Variants in DST observed in about 807,000 individuals in gnomAD.
DST encodes the protein dystonin.
Under a neutral mutation model 875.2 loss-of-function variants are expected in DST, and 253 were observed. That is an observed-to-expected ratio of 0.29 (90% CI 0.26 to 0.32). The LOEUF is 0.32. DST is among the 10% of genes least tolerant of loss of function. The pLI, the probability that DST is intolerant of heterozygous loss-of-function variation, is 1.00. For missense variants in DST, 8,287 were observed against 9,111.6 expected, an observed-to-expected ratio of 0.91 and a Z score of 3.68; for synonymous variants, 3,124 against 3,197.1, an observed-to-expected ratio of 0.98 and a Z score of 0.77.
intron 4 of DST, among the ~76,000 whole-genome samples, chr6:56,781,652 A>G (rs1204684380): frequency 6.6e-6 from 1 of 152,198 alleles, no homozygotes; most frequent in African/African-American, 2.4e-5. Context: ...TAGATATACA[A>G]TCATGTCGTC....
chr6:56,642,779 T>C, intron 15 of DST: 1 of 1,614,044 alleles, frequency 6.2e-7, no homozygotes, highest in South Asian at 1.1e-5. Context: ...CTATAACTAC[T>C]ACTGTGCATT....
chr6:56,620,170 C>T, intron 36 of DST: 4 of 1,613,596 alleles, frequency 2.5e-6, no homozygotes, highest in Middle Eastern at 1.6e-4. Context: ...TTATCAGCTT[C>T]AAGAGTTCTT....
chr6:56,704,378 A>G lies in DST; in HGVS notation c.688-9T>C. 6.9e-7 allele frequency: 1 copy of G among 1,451,328 alleles called. No individual in the cohort carries two copies. The highest frequency in any genetic ancestry group is 9.4e-7 in the Non-Finnish European group (1 of 1,066,724). The allele number at this position is 1,451,328 out of a possible 1,614,324, so 89.9% of individuals were successfully genotyped here. A position where few individuals can be genotyped will look rare whatever the true frequency, so the allele number is the denominator to read the frequency against. On this transcript the variant is annotated splice_polypyrimidine_tract_variant and intron_variant, in intron 5 of 103. Transcript: ENST00000680361. ...TTCACATGTTTTCGAACCTATAAAG[A>G]GAAAAGCAAAATTTGGGGTCCTAGA...
At chr6:56,617,840 A>C in intron 36 of DST, 1 of 692,968 alleles carries the variant, frequency 1.4e-6, no homozygotes, top group Non-Finnish European at 2.5e-6. Flanking sequence ...AGTTACCAGA[A>C]AGAGTATAGC....
At chr6:56,543,514 C>A (rs991632645) in intron 61 of DST, among the ~76,000 whole-genome samples, 1 of 152,226 alleles carries the variant, frequency 6.6e-6, no homozygotes, top group Non-Finnish European at 1.5e-5. Flanking sequence ...TTTTTATCTA[C>A]TGAACACCCT....
intron 36 of DST, chr6:56,618,219 AT>A: frequency 6.2e-7 from 1 of 1,614,126 alleles, no homozygotes; most frequent in East Asian, 2.2e-5. Context: ...GGTGGCTGGA[AT>A]TGGACTTCTT....
In DST at chr6:56,866,476, T is replaced by G. The variant is rs75202360; in HGVS notation, c.418-14872A>C. 6.9e-3 allele frequency among the ~76,000 whole-genome samples: 1,046 copies of G among 152,334 alleles called. 14 individuals carry two copies. The highest frequency in any genetic ancestry group is 0.024 in the African/African-American group (1,015 of 41,570). On this transcript the variant is annotated intron_variant, in intron 3 of 103. Coordinates refer to ENST00000680361, the MANE Select transcript of DST (RefSeq NM_001374736.1). ...TACATCATGCCTGTGCTCAAAACCC[T>G]CCTGTGGCTTTCCACTTCACTCAGG...
intron 69 of DST, among the ~76,000 whole-genome samples, chr6:56,520,449 T>A (rs1465772799): frequency 1.3e-5 from 2 of 152,032 alleles, no homozygotes; most frequent in African/African-American, 2.4e-5. Context: ...CATGAAGAAT[T>A]CTTGTGGTGA....
chr6:56,470,961 A>G, intron 95 of DST, 145 bp downstream of exon 95: 1 of 828,136 alleles, frequency 1.2e-6, no homozygotes, highest in Non-Finnish European at 1.8e-6. Flanking sequence ...TTACCAAAAA[A>G]ACATTTTTTT....
intron 5 of DST, among the ~76,000 whole-genome samples, chr6:56,708,230 T>C (rs1439535827): frequency 6.6e-6 from 1 of 152,146 alleles, no homozygotes; most frequent in African/African-American, 2.4e-5. Context: ...AAATAAAGGT[T>C]GGAAAACAGA....
intron 4 of DST, among the ~76,000 whole-genome samples, chr6:56,762,844 CTTTTTTTT>C (rs869153143): frequency 1.8e-5 from 2 of 111,898 alleles, no homozygotes; most frequent in African/African-American, 3.7e-5. Flanking sequence ...AGAACACCAC[CTTTTTTTT>C]TTTTTTTTTT....
At chr6:56,612,766 A>G (rs1441096712) in intron 37 of DST, among the ~76,000 whole-genome samples, 1 of 152,260 alleles carries the variant, frequency 6.6e-6, no homozygotes, top group Non-Finnish European at 1.5e-5. Flanking sequence ...AGACAGTTAT[A>G]ATTAACGCCA....
intron 78 of DST, among the ~76,000 whole-genome samples, chr6:56,502,255 C>T (rs1477327831): frequency 6.6e-6 from 1 of 152,114 alleles, no homozygotes; most frequent in Non-Finnish European, 1.5e-5. Flanking sequence ...AGTTAATCAT[C>T]TTGGCTTTGC....
Position 56,617,493 on chromosome 6 carries a change from C to A in DST, c.4930-3009G>T, listed in dbSNP as rs534379503. 459 of 1,323,994 alleles carry A rather than the reference C, an allele frequency of 3.5e-4. No individual in the cohort carries two copies. The African/African-American group carries it at 5.9e-3, about 17-fold the overall frequency. The allele number at this position is 1,323,994 out of a possible 1,614,324, so 82.0% of individuals were successfully genotyped here. ...TCACTTTATCCATTCTCAATCCAAACATAATTCTTTGAATTACAAAGACAA... is the reference window on the plus strand; with the variant it reads ...TCACTTTATCCATTCTCAATCCAAAAATAATTCTTTGAATTACAAAGACAA... On this transcript the variant is annotated intron_variant, in intron 36 of 103. Coordinates refer to ENST00000680361, the MANE Select transcript of DST (RefSeq NM_001374736.1).
intron 36 of DST, chr6:56,614,901 A>G: frequency 1.0e-6 from 1 of 992,252 alleles, no homozygotes. Flanking sequence ...AATACACAGA[A>G]TGAAGAAAAT....
intron 4 of DST, among the ~76,000 whole-genome samples, chr6:56,819,392 T>C (rs1466298583): frequency 1.3e-5 from 2 of 152,198 alleles, no homozygotes; most frequent in African/African-American, 2.4e-5. Context: ...TTAAAGCTTC[T>C]AGAAATTACA....
Position 56,603,355 on chromosome 6 carries a change from C to T in DST, c.11007G>A (p.Glu3669=), listed in dbSNP as rs1373670634. The T allele has an allele frequency of 1.2e-6, 2 of 1,611,142 alleles. No individual in the cohort carries two copies. Among genetic ancestry groups the T allele is most frequent in the East Asian group, 2.2e-5 (1 of 44,828 alleles). Residue 3669 remains glutamate, a synonymous_variant, in exon 42 of 104, where the codon GAG becomes GAA. Coordinates refer to ENST00000680361, the MANE Select transcript of DST (RefSeq NM_001374736.1). ...AGTCACTGGGAAGAGACTTTAAAAACTCTTCTGCCAACTTCATATCTTTTC... is the reference window on the plus strand; with the variant it reads ...AGTCACTGGGAAGAGACTTTAAAAATTCTTCTGCCAACTTCATATCTTTTC... ...ILRKDMKLAE[E]FLKSLPSDFP...
intron 72 of DST, among the ~76,000 whole-genome samples, chr6:56,514,329 G>C (rs2096545674): frequency 6.6e-6 from 1 of 152,034 alleles, no homozygotes; most frequent in Non-Finnish European, 1.5e-5. Flanking sequence ...TTCTCCTGCT[G>C]AATCATTTAG....
intron 4 of DST, among the ~76,000 whole-genome samples, chr6:56,848,659 T>C (rs952654210): frequency 6.6e-6 from 1 of 152,218 alleles, no homozygotes; most frequent in African/African-American, 2.4e-5. Flanking sequence ...ATTTATGGAC[T>C]GGCCCCCCAA....
Sources: allele counts gnomAD v4.1 joint callset (sites outside exome capture counted in the v4.1 genomes callset), GRCh38; gene constraint gnomAD v4.1.1; transcripts MANE v1.5; gene names NCBI Gene and HGNC (gene_info 2026-07-23, HGNC 2026-07-21).